Variants in CNTN1 observed in about 807,000 individuals in gnomAD.
CNTN1 encodes contactin-1.
CNTN1 carries 38 observed loss-of-function variants against 126.4 expected under a neutral mutation model. That is an observed-to-expected ratio of 0.30 (90% CI 0.23 to 0.39). CNTN1 has a LOEUF of 0.39. Ranked by LOEUF, CNTN1 falls within the 10% of genes least tolerant of loss-of-function variation. The probability of loss-of-function intolerance (pLI) is 1.00; values close to 1 mark genes in which losing one functional copy is unlikely to be tolerated. For missense variants in CNTN1, 1,009 were observed against 1,248.4 expected, an observed-to-expected ratio of 0.81 and a Z score of 2.89; for synonymous variants, 413 against 422.6, an observed-to-expected ratio of 0.98 and a Z score of 0.28.
chr12:40,901,236 T>A (rs1003870773), intron 1 of CNTN1, among the ~76,000 whole-genome samples: 13 of 152,198 alleles, frequency 8.5e-5, no homozygotes, highest in Non-Finnish European at 1.2e-4. Flanking sequence ...TCTCTATGTT[T>A]TAGTAGTTTT....
intron 20 of CNTN1, among the ~76,000 whole-genome samples, chr12:41,024,408 A>G (rs1948992980): frequency 6.6e-6 from 1 of 152,050 alleles, no homozygotes; most frequent in African/African-American, 2.4e-5. Flanking sequence ...CTTGAATGCA[A>G]AAAAGCCTTT....
At chr12:40,705,863 GC>G (rs1419298007) in intron 1 of CNTN1, among the ~76,000 whole-genome samples, 1 of 152,174 alleles carries the variant, frequency 6.6e-6, no homozygotes, top group East Asian at 1.9e-4. Context: ...CATGGCAGGA[GC>G]AGGATCAAGA....
At chr12:40,974,992 G>C (rs982034386) in intron 15 of CNTN1, among the ~76,000 whole-genome samples, 2 of 151,460 alleles carry the variant, frequency 1.3e-5, no homozygotes, top group African/African-American at 4.9e-5. Context: ...GTAATTACTT[G>C]GAAGTCTTTT....
chr12:40,733,013 G>A (rs1252153151), intron 1 of CNTN1, among the ~76,000 whole-genome samples: 1 of 151,954 alleles, frequency 6.6e-6, no homozygotes, highest in East Asian at 1.9e-4. Flanking sequence ...TAATGGATAT[G>A]ATAATCAGTA....
rs145685719 is a variant in CNTN1, at chr12:40,858,641, G to T, written c.-76-49716G>T. On this transcript the variant is annotated intron_variant, in intron 1 of 23. Transcript: ENST00000551295. The stretch of plus-strand genomic sequence containing the variant: ...CCCATTATTGCATATATACCCAAAG[G>T]ATTATTAATCTTTCTATTACAGAAA... Among the ~76,000 whole-genome samples, 147 of 152,184 alleles carry T rather than the reference G, an allele frequency of 9.7e-4. 1 individual carries two copies. Among genetic ancestry groups the T allele is most frequent in the African/African-American group, 3.5e-3 (145 of 41,526 alleles).
At chr12:40,838,338 G>T (rs761809561) in intron 1 of CNTN1, among the ~76,000 whole-genome samples, 1 of 152,104 alleles carries the variant, frequency 6.6e-6, no homozygotes, top group Non-Finnish European at 1.5e-5. Flanking sequence ...CACCAACTGA[G>T]ACCCAAATAA....
intron 19 of CNTN1, among the ~76,000 whole-genome samples, chr12:41,017,277 A>G (rs1045731310): frequency 6.6e-6 from 1 of 151,532 alleles, no homozygotes; most frequent in Non-Finnish European, 1.5e-5. Context: ...ATAATTTAAA[A>G]CTTCTATAAT....
At chr12:41,069,842 G>T in intron 23 of CNTN1, 117 bp from the exon 24 acceptor site, 1 of 791,168 alleles carries the variant, frequency 1.3e-6, no homozygotes, top group Non-Finnish European at 2.2e-6. Flanking sequence ...TCTGTTTTGT[G>T]AAAGGACCCA....
intron 1 of CNTN1, among the ~76,000 whole-genome samples, chr12:40,758,302 T>G (rs1053330408): frequency 2.0e-5 from 3 of 148,406 alleles, no homozygotes; most frequent in East Asian, 1.9e-4. Context: ...AAACAAAGTG[T>G]TTTTTTTTTA....
At chr12:40,764,503 G>T (rs544356040) in intron 1 of CNTN1, among the ~76,000 whole-genome samples, 5 of 152,194 alleles carry the variant, frequency 3.3e-5, no homozygotes, top group African/African-American at 1.2e-4. Context: ...GGTAGATAAA[G>T]GTATTAATAC....
chr12:40,794,751 G>A (rs1178787101), intron 1 of CNTN1, among the ~76,000 whole-genome samples: 2 of 151,992 alleles, frequency 1.3e-5, no homozygotes, highest in East Asian at 3.9e-4. Context: ...GCTCCCATTG[G>A]GAAGGAGTGA....
At chr12:40,995,408 T>C (rs1948188278) in intron 17 of CNTN1, among the ~76,000 whole-genome samples, 1 of 152,170 alleles carries the variant, frequency 6.6e-6, no homozygotes, top group Admixed American at 6.5e-5. Context: ...ACATTTTTTT[T>C]TTGATATAGG....
At chr12:40,945,694 A>G (rs1237202707) in intron 14 of CNTN1, among the ~76,000 whole-genome samples, 1 of 151,982 alleles carries the variant, frequency 6.6e-6, no homozygotes, top group East Asian at 1.9e-4. Flanking sequence ...GAATTTAAAG[A>G]GAAAGAAAAA....
chr12:41,011,036 T>C (rs889885142), intron 17 of CNTN1, among the ~76,000 whole-genome samples: 10 of 152,206 alleles, frequency 6.6e-5, no homozygotes, highest in African/African-American at 2.2e-4. Flanking sequence ...GTGGTTAGGA[T>C]TTGGCTTAAG....
At chr12:40,800,512 A>G (rs1940605347) in intron 1 of CNTN1, among the ~76,000 whole-genome samples, 1 of 151,962 alleles carries the variant, frequency 6.6e-6, no homozygotes, top group Admixed American at 6.6e-5. Context: ...TTCTACTGTT[A>G]AGCAATATTT....
In CNTN1 at chr12:41,069,999, G is replaced by T. The variant is rs1261768969; in HGVS notation, c.3021G>T (p.Leu1007=). The change falls in exon 24 of 24, where the codon CTG becomes CTT. Residue 1007 remains leucine, a synonymous_variant. Coordinates refer to ENST00000551295, the MANE Select transcript of CNTN1 (RefSeq NM_001843.4). ...TLSPSLLGLL[L]PAFGILVYLE... is the part of the protein sequence containing the mutation. Reference sequence around the variant, plus strand: ...CCCCAAGTCTTCTCGGCTTACTGCTGCCTGCCTTTGGCATCCTTGTCTACT... The same window carrying T: ...CCCCAAGTCTTCTCGGCTTACTGCTTCCTGCCTTTGGCATCCTTGTCTACT... 1 of 1,613,860 alleles carries T rather than the reference G, an allele frequency of 6.2e-7. No individual in the cohort carries two copies. The highest frequency in any genetic ancestry group is 8.5e-7 in the Non-Finnish European group (1 of 1,179,986).
In CNTN1 at chr12:40,944,139, A is replaced by G. The variant is rs1232318711; in HGVS notation, c.1652A>G (p.Lys551Arg). Residue 551 changes from lysine to arginine, a missense_variant, in exon 14 of 24, where the codon AAA (lysine) becomes AGA (arginine). By Grantham distance (26) the Lys-to-Arg change is conservative (BLOSUM62 2). Transcript: ENST00000551295. ...SFNGYVIDFN[K>R]ENIHYQRNFM... ...AATGGCTATGTGATCGATTTTAACA[A>G]AGAGAATATTCACTACCAGAGGAAT... The G allele has an allele frequency of 1.2e-6, 2 of 1,613,358 alleles. No homozygotes were observed. Among genetic ancestry groups the G allele is most frequent in the South Asian group, 1.1e-5 (1 of 91,068 alleles).
intron 1 of CNTN1, among the ~76,000 whole-genome samples, chr12:40,818,004 G>T (rs1941313949): frequency 6.6e-6 from 1 of 152,110 alleles, no homozygotes; most frequent in Non-Finnish European, 1.5e-5. Flanking sequence ...CATCTCTTCT[G>T]GCTTGTAGAC....
chr12:40,710,816 T>A (rs962959593), intron 1 of CNTN1, among the ~76,000 whole-genome samples: 2 of 152,178 alleles, frequency 1.3e-5, no homozygotes, highest in Non-Finnish European at 2.9e-5. Context: ...AAGGAATTTC[T>A]TATGGGTTCT....
Sources: allele counts gnomAD v4.1 joint callset (sites outside exome capture counted in the v4.1 genomes callset), GRCh38; gene constraint gnomAD v4.1.1; transcripts MANE v1.5; gene names NCBI Gene and HGNC (gene_info 2026-07-23, HGNC 2026-07-21).